PANK2: variants seen among roughly 807,000 people sequenced by gnomAD.
The protein encoded by PANK2 is pantothenate kinase 2.
PANK2 carries 36 observed loss-of-function variants against 43.1 expected under a neutral mutation model. The observed-to-expected ratio is 0.84, with a 90% CI of 0.64 to 1.10. The LOEUF is 1.10. Ranked by LOEUF, PANK2 falls within the 50% of genes least tolerant of loss-of-function variation. The pLI is 0.00. For synonymous variants in PANK2, 281 were observed against 238.2 expected, an observed-to-expected ratio of 1.18 and a Z score of -1.66; for missense variants, 576 against 593.3, an observed-to-expected ratio of 0.97 and a Z score of 0.30.
rs376397658 is a variant in PANK2 at position 3,914,499 on chromosome 20, G to A, written c.1082+1865G>A. ...CCTAATTTTTTTTTTGTAGAGATAG[G>A]GTCTTGCTATGTTGCCTAGGCTGTC... On this transcript the variant is annotated intron_variant, in intron 4 of 6. Transcript: ENST00000610179. Among the ~76,000 whole-genome samples, 9 of 151,820 alleles carry A rather than the reference G, an allele frequency of 5.9e-5. No individual in the cohort carries two copies. The East Asian group carries it at 1.5e-3, about 26-fold the overall frequency.
At chr20:3,888,944 G>C, upstream of PANK2, 1 of 577,096 alleles carries the variant, frequency 1.7e-6, no homozygotes, top group Non-Finnish European at 2.9e-6. Context: ...CCGACGACCA[G>C]CGGCCAGACG....
chr20:3,907,576 G>T (rs1163459237), intron 1 of PANK2, among the ~76,000 whole-genome samples: 1 of 152,020 alleles, frequency 6.6e-6, no homozygotes, highest in Non-Finnish European at 1.5e-5. Flanking sequence ...TTTTTAAGCC[G>T]ATAGGAAAGA....
intron 1 of PANK2, chr20:3,901,732 A>G (rs931908354): frequency 3.3e-5 from 13 of 393,532 alleles, no homozygotes; most frequent in African/African-American, 2.8e-4. Flanking sequence ...TTTTAAAATT[A>G]TGGCATTCAT....
rs774676518 is a variant in PANK2, at chr20:3,910,626, A to G, written c.701A>G (p.Lys234Arg). ...CTGGATGAACTAGATTGCTTGATCA[A>G]AGGAATTTTATACATTGACTCAGTC... Residue 234 changes from lysine (K) to arginine (R), a missense_variant, in exon 3 of 7, where the codon AAA becomes AGA. Lys to Arg is a conservative substitution (Grantham distance 26). Transcript: ENST00000610179. 2.5e-6 allele frequency: 4 copies of G among 1,614,158 alleles called. No individual in the cohort carries two copies. In the South Asian group the frequency reaches 3.3e-5, roughly 13 times the overall value.
intron 1 of PANK2, among the ~76,000 whole-genome samples, chr20:3,890,385 AC>A (rs1283319135): frequency 7.9e-5 from 12 of 152,142 alleles, no homozygotes; most frequent in Admixed American, 5.9e-4. Flanking sequence ...AGGGGAAACA[AC>A]ATCTTTCTGA....
chr20:3,910,413 C>T (rs577938966), intron 2 of PANK2, among the ~76,000 whole-genome samples, 164 bp from the exon 3 acceptor site: 1 of 150,870 alleles, frequency 6.6e-6, no homozygotes. Context: ...AGCACTGTGT[C>T]CCTAGGTTTG....
At chr20:3,919,800 G>A (rs1318138697) in intron 6 of PANK2, among the ~76,000 whole-genome samples, 1 of 152,132 alleles carries the variant, frequency 6.6e-6, no homozygotes, top group East Asian at 1.9e-4. Flanking sequence ...TGCATATTTA[G>A]TTTAACAGTC....
rs1264711569 is a variant in PANK2 at position 3,928,289 on chromosome 20, C to T, written c.*4995C>T. On this transcript the variant is annotated 3_prime_UTR_variant, in exon 7 of 7. Transcript: ENST00000610179. ...TAGGGCACCAGTTGCAATTTTAATCCAGGGGAGGATCTGGGCTGCTGCTGT... is the reference window on the plus strand; with the variant it reads ...TAGGGCACCAGTTGCAATTTTAATCTAGGGGAGGATCTGGGCTGCTGCTGT... The T allele has an allele frequency of 1.3e-5, 2 of 152,060 alleles. No homozygotes were observed. Among genetic ancestry groups the T allele is most frequent in the African/African-American group, 4.8e-5 (2 of 41,372 alleles). The allele number at this position is 152,060 out of a possible 1,614,324, so 9.4% of individuals were successfully genotyped here.
chr20:3,912,591 G>C lies in PANK2; in HGVS notation c.1039G>C (p.Asp347His), dbSNP rs1381797164. Reference sequence around the variant, plus strand: ...ACTAGTACGAGATATTTATGGAGGGGACTATGAGAGGTTTGGACTGCCAGG... The same window carrying C: ...ACTAGTACGAGATATTTATGGAGGGCACTATGAGAGGTTTGGACTGCCAGG... The change falls in exon 4 of 7, where the codon GAC becomes CAC. Residue 347 changes from aspartate to histidine, a missense_variant. Physicochemically the swap from Asp to His is moderately conservative, Grantham distance 81. Around this residue, in one of 2 missense-constraint regions of PANK2, gnomAD observed 544 missense variants for 528.9 expected, o/e 1.03. Transcript: ENST00000610179. The C allele has an allele frequency of 1.2e-6, 2 of 1,613,970 alleles. No individual in the cohort carries two copies. The highest frequency in any genetic ancestry group is 4.5e-5 in the East Asian group (2 of 44,890).
chr20:3,900,552 G>A (rs1182585629), intron 1 of PANK2, among the ~76,000 whole-genome samples: 2 of 151,860 alleles, frequency 1.3e-5, no homozygotes, highest in African/African-American at 4.8e-5. Flanking sequence ...CTCATGGTGT[G>A]ACTCCATTGT....
chr20:3,918,683 G>A lies in PANK2; in HGVS notation c.1219G>A (p.Val407Met). The stretch of plus-strand genomic sequence containing the variant: ...TTGGTGTGCTCAGAACATTAACCAG[G>A]TGGTATTTGTTGGAAATTTCTTGAG... The change falls in exon 6 of 7, where the codon GTG becomes ATG. Residue 407 changes from valine (V) to methionine (M), a missense_variant. Physicochemically the swap from Val to Met is conservative, Grantham distance 21. Around this residue, in one of 2 missense-constraint regions of PANK2, gnomAD observed 544 missense variants for 528.9 expected, o/e 1.03. Coordinates refer to ENST00000610179, the MANE Select transcript of PANK2 (RefSeq NM_001386393.1). 6.2e-7 allele frequency: 1 copy of A among 1,614,188 alleles called. No individual in the cohort carries two copies. The highest frequency in any genetic ancestry group is 8.5e-7 in the Non-Finnish European group (1 of 1,180,026).
intron 1 of PANK2, among the ~76,000 whole-genome samples, chr20:3,899,656 A>T (rs1600509281): frequency 6.9e-6 from 1 of 144,710 alleles, no homozygotes; most frequent in African/African-American, 2.6e-5. Flanking sequence ...TTTTCGAAGT[A>T]TGTGTTATGT....
rs576986154 is a variant in PANK2, at chr20:3,928,139, C to CATCTGCTTAAGAA, written c.*4864_*4876dup. Reference sequence around the variant, plus strand: ...ATTTAGGCATGAATCTGGACATGTCCATCTGCTTAAGAAATCTGCTTAAGA... The same window carrying CATCTGCTTAAGAA: ...ATTTAGGCATGAATCTGGACATGTCCATCTGCTTAAGAAATCTGCTTAAGAAATCTGCTTAAGA... On this transcript the variant is annotated 3_prime_UTR_variant, in exon 7 of 7. Transcript: ENST00000610179. The CATCTGCTTAAGAA allele has an allele frequency of 2.6e-5, 4 of 152,148 alleles. No homozygotes were observed. The highest frequency in any genetic ancestry group is 6.5e-5 in the Admixed American group (1 of 15,272). 9.4% of individuals were successfully genotyped at this position (152,148 alleles called of 1,614,324 possible). A position where few individuals can be genotyped will look rare whatever the true frequency, so the allele number is the denominator to read the frequency against.
In PANK2 at chr20:3,924,497, T is replaced by C. The variant is rs1038272684; in HGVS notation, c.*1203T>C. ...CCAGCTGGGGCAAGGGGAACTGATA[T>C]GTGGGCTGTGGGCTGTTCCACTAGG... On this transcript the variant is annotated 3_prime_UTR_variant, in exon 7 of 7. Coordinates refer to ENST00000610179, the MANE Select transcript of PANK2 (RefSeq NM_001386393.1). The C allele has an allele frequency of 5.9e-5, 9 of 152,364 alleles. No homozygotes were observed. The highest frequency in any genetic ancestry group is 1.7e-4 in the African/African-American group (7 of 41,436). 9.4% of individuals were successfully genotyped at this position (152,364 alleles called of 1,614,324 possible).
intron 6 of PANK2, among the ~76,000 whole-genome samples, chr20:3,919,842 A>T (rs1232225643): frequency 6.6e-6 from 1 of 152,240 alleles, no homozygotes; most frequent in Non-Finnish European, 1.5e-5. Flanking sequence ...AAGTCCAGAT[A>T]ATAGCACAGA....
chr20:3,893,909 GTTTTTTTTTTGTTTGTTTTTTGTTT>G (rs2090161785), intron 1 of PANK2, among the ~76,000 whole-genome samples: 1 of 132,472 alleles, frequency 7.5e-6, no homozygotes, highest in Non-Finnish European at 1.6e-5. Context: ...CAAGATGGGA[GTTTTTTTTTTGTTTGTTTTTTGTTT>G]TTTTTTTTTT....
rs1340671146 is a variant in PANK2, at chr20:3,923,507, G to A, written c.*213G>A. 6.7e-6 allele frequency: 4 copies of A among 600,004 alleles called. No homozygotes were observed. Among genetic ancestry groups the A allele is most frequent in the Non-Finnish European group, 1.2e-5 (4 of 339,958 alleles). The allele number at this position is 600,004 out of a possible 1,614,324, so 37.2% of individuals were successfully genotyped here. ...AATATATTAAAAACAACAAAAAAGT[G>A]GCACATGTCCAGGCAGTGTGAGGAT... On this transcript the variant is annotated 3_prime_UTR_variant, in exon 7 of 7. Transcript: ENST00000610179.
In PANK2 at chr20:3,918,634, A is replaced by C. The variant is rs776784207; in HGVS notation, c.1207-37A>C. Reference sequence around the variant, plus strand: ...TAGCTTTTATGAGAAAATAGAAATTAAGATGAAAACTAATTGCCTTTTTTT... The same window carrying C: ...TAGCTTTTATGAGAAAATAGAAATTCAGATGAAAACTAATTGCCTTTTTTT... On this transcript the variant is annotated intron_variant, in intron 5 of 6. Coordinates refer to ENST00000610179, the MANE Select transcript of PANK2 (RefSeq NM_001386393.1). 4.0e-5 allele frequency: 64 copies of C among 1,613,580 alleles called. 1 individual carries two copies. Among genetic ancestry groups the C allele is most frequent in the Admixed American group, 3.0e-4 (18 of 59,996 alleles).
In PANK2 at chr20:3,923,523, G is replaced by A. The variant is rs961256700; in HGVS notation, c.*229G>A. The A allele has an allele frequency of 5.1e-6, 3 of 583,564 alleles. No homozygotes were observed. In the African/African-American group the frequency reaches 5.6e-5, roughly 11 times the overall value. The allele number at this position is 583,564 out of a possible 1,614,324, so 36.1% of individuals were successfully genotyped here. ...CAAAAAAGTGGCACATGTCCAGGCA[G>A]TGTGAGGATTTGCTGTATATAAGTT... On this transcript the variant is annotated 3_prime_UTR_variant, in exon 7 of 7. Coordinates refer to ENST00000610179, the MANE Select transcript of PANK2 (RefSeq NM_001386393.1).
Sources: allele counts gnomAD v4.1 joint callset (sites outside exome capture counted in the v4.1 genomes callset), GRCh38; gene constraint gnomAD v4.1.1; regional missense constraint gnomAD v4.1.1; transcripts MANE v1.5; gene names NCBI Gene and HGNC (gene_info 2026-07-23, HGNC 2026-07-21).